IL1RL2: variants seen among roughly 807,000 people sequenced by gnomAD.
The protein encoded by IL1RL2 is interleukin 1 receptor like 2.
Under a neutral mutation model 66.8 loss-of-function variants are expected in IL1RL2, and 68 were observed. The observed-to-expected ratio is 1.02, with a 90% CI of 0.84 to 1.25. IL1RL2 has a LOEUF of 1.25. Among genes scored for constraint, IL1RL2 ranks in the 50% most tolerant of loss-of-function variants. The pLI, the probability that IL1RL2 is intolerant of heterozygous loss-of-function variation, is 0.00. For synonymous variants in IL1RL2, 305 were observed against 264.6 expected (o/e 1.15, Z -1.48); for missense variants, 729 against 709.3 (o/e 1.03, Z -0.32).
At chr2:102,223,806 G>T (rs1032786676) in intron 8 of IL1RL2, among the ~76,000 whole-genome samples, 1 of 152,104 alleles carries the variant, frequency 6.6e-6, no homozygotes, top group Non-Finnish European at 1.5e-5. Context: ...AGGGAGAGGT[G>T]GCAATGTTAC....
chr2:102,203,039 A>G (rs1207933769), intron 5 of IL1RL2, among the ~76,000 whole-genome samples: 1 of 152,064 alleles, frequency 6.6e-6, no homozygotes, highest in Non-Finnish European at 1.5e-5. Context: ...CTTTTATTAC[A>G]TTGAGACATG....
chr2:102,211,675 CCA>C (rs1689181683), intron 5 of IL1RL2, among the ~76,000 whole-genome samples: 1 of 152,064 alleles, frequency 6.6e-6, no homozygotes, highest in Non-Finnish European at 1.5e-5. Flanking sequence ...TTAATGGTTG[CCA>C]TGGAACAGGA....
At position 102,192,177 on chromosome 2, in the gene IL1RL2, T is replaced by C. The variant is rs1046919459; in HGVS notation, c.489+57T>C. On this transcript the variant is annotated intron_variant, in intron 4 of 11. Transcript: ENST00000264257. Reference sequence around the variant, plus strand: ...CTCCTTTTCTTTAAAACCCACTGTTTTTTATAGGTTAAGTTGTATTTTTTA... The same window carrying C: ...CTCCTTTTCTTTAAAACCCACTGTTCTTTATAGGTTAAGTTGTATTTTTTA... 1.4e-5 allele frequency: 17 copies of C among 1,200,474 alleles called. No homozygotes were observed. In the East Asian group the frequency reaches 1.7e-4, roughly 12 times the overall value. The allele number at this position is 1,200,474 out of a possible 1,614,324, so 74.4% of individuals were successfully genotyped here. A position where few individuals can be genotyped will look rare whatever the true frequency, so the allele number is the denominator to read the frequency against.
chr2:102,202,846 C>G (rs1244004996), intron 5 of IL1RL2, among the ~76,000 whole-genome samples: 2 of 152,152 alleles, frequency 1.3e-5, no homozygotes, highest in African/African-American at 4.8e-5. Context: ...TTGAATTCTT[C>G]TTTTCTAATT....
chr2:102,215,554 G>A (rs1474201353), intron 6 of IL1RL2, among the ~76,000 whole-genome samples: 1 of 152,026 alleles, frequency 6.6e-6, no homozygotes, highest in African/African-American at 2.4e-5. Context: ...ACCCATGAGG[G>A]TGTACATACT....
At chr2:102,213,464 T>C (rs965107869) in intron 6 of IL1RL2, among the ~76,000 whole-genome samples, 3 of 152,178 alleles carry the variant, frequency 2.0e-5, no homozygotes, top group African/African-American at 7.2e-5. Flanking sequence ...TATAAACATA[T>C]ATCAAAACAT....
chr2:102,189,622 CT>C (rs397897160), intron 3 of IL1RL2, among the ~76,000 whole-genome samples: 84 of 150,820 alleles, frequency 5.6e-4, no homozygotes, highest in African/African-American at 2.1e-3. Flanking sequence ...TTTTATTTTT[CT>C]TTTTTATTTT....
At chr2:102,190,960 T>C (rs1687180034) in intron 3 of IL1RL2, among the ~76,000 whole-genome samples, 1 of 152,232 alleles carries the variant, frequency 6.6e-6, no homozygotes, top group Non-Finnish European at 1.5e-5. Flanking sequence ...TAGGAAACTG[T>C]ATATTTTTAC....
chr2:102,217,951 C>A lies in IL1RL2; in HGVS notation c.725-1002C>A, dbSNP rs527937300. 2.6e-4 allele frequency among the ~76,000 whole-genome samples: 40 copies of A among 152,162 alleles called. 1 individual carries two copies. In the South Asian group the frequency reaches 8.1e-3, roughly 31 times the overall value. ...AATGGAATTACATCAAACCAAAAAG[C>A]TTCTGAACAGTAAAAGAAACAATCA... is the stretch of plus-strand genomic sequence containing the variant. On this transcript the variant is annotated intron_variant, in intron 6 of 11. Transcript: ENST00000264257.
intron 8 of IL1RL2, among the ~76,000 whole-genome samples, chr2:102,221,731 G>A (rs928117733): frequency 1.3e-5 from 2 of 152,142 alleles, no homozygotes; most frequent in African/African-American, 2.4e-5. Context: ...GGTGAGGACA[G>A]CATTGTCACT....
intron 5 of IL1RL2, among the ~76,000 whole-genome samples, chr2:102,204,612 A>T (rs1688546375): frequency 6.6e-6 from 1 of 151,800 alleles, no homozygotes; most frequent in African/African-American, 2.4e-5. Context: ...TTATCATTAC[A>T]TAGTGACTTG....
downstream of IL1RL2, among the ~76,000 whole-genome samples, chr2:102,242,881 T>G (rs536565374): frequency 6.6e-6 from 1 of 152,382 alleles, no homozygotes; most frequent in South Asian, 2.1e-4. Context: ...TCATTTGCCT[T>G]AGATAAATTA....
intron 6 of IL1RL2, among the ~76,000 whole-genome samples, chr2:102,213,154 A>G (rs1689323951): frequency 6.6e-6 from 1 of 152,212 alleles, no homozygotes; most frequent in Admixed American, 6.5e-5. Flanking sequence ...AAACAACACA[A>G]TTGTTTCAGT....
At chr2:102,224,484 G>A (rs958931122) in intron 8 of IL1RL2, among the ~76,000 whole-genome samples, 1 of 152,120 alleles carries the variant, frequency 6.6e-6, no homozygotes, top group Non-Finnish European at 1.5e-5. Flanking sequence ...GACACATATT[G>A]CATATTTTTA....
chr2:102,188,776 C>T (rs749024872), intron 2 of IL1RL2, among the ~76,000 whole-genome samples: 5 of 151,786 alleles, frequency 3.3e-5, no homozygotes, highest in Non-Finnish European at 7.4e-5. Flanking sequence ...GAGTAAAGAA[C>T]TCTGTGGATG....
At chr2:102,240,268 T>C (rs1444732534), downstream of IL1RL2, among the ~76,000 whole-genome samples, 1 of 152,026 alleles carries the variant, frequency 6.6e-6, no homozygotes, top group East Asian at 1.9e-4. Flanking sequence ...TGTTTCTCAG[T>C]CTGACAGCCA....
chr2:102,187,299 C>A, intron 1 of IL1RL2: 1 of 1,174,302 alleles, frequency 8.5e-7, no homozygotes, highest in Non-Finnish European at 1.1e-6. Context: ...TCAGCTCCAG[C>A]GGCTCCCTGC....
intron 10 of IL1RL2, among the ~76,000 whole-genome samples, chr2:102,233,451 G>A (rs1385722894): frequency 6.6e-6 from 1 of 152,226 alleles, no homozygotes; most frequent in Non-Finnish European, 1.5e-5. Flanking sequence ...GGACTGAAAG[G>A]TGGCGAGTGG....
rs558670502 is a variant in IL1RL2 at position 102,226,189 on chromosome 2, A to C, written c.1135+148A>C. The C allele has an allele frequency of 1.4e-5, 8 of 565,498 alleles. No homozygotes were observed. In the Admixed American group the frequency reaches 2.5e-4, roughly 18 times the overall value. The allele number at this position is 565,498 out of a possible 1,614,324, so 35.0% of individuals were successfully genotyped here. On this transcript the variant is annotated intron_variant, in intron 9 of 11. Coordinates refer to ENST00000264257, the MANE Select transcript of IL1RL2 (RefSeq NM_003854.4). ...CCTTGGAACTGCCTGTGCTTTAGAG[A>C]AATGATTTGTCCCTAATCACCAGCA...
Sources: allele counts gnomAD v4.1 joint callset (sites outside exome capture counted in the v4.1 genomes callset), GRCh38; gene constraint gnomAD v4.1.1; transcripts MANE v1.5; gene names NCBI Gene and HGNC (gene_info 2026-07-23, HGNC 2026-07-21).